The following SLC6A17 variants were observed in gnomAD, a reference collection of about 807,000 sequenced individuals.
The protein encoded by SLC6A17 is sodium-dependent neutral amino acid transporter SLC6A17.
A neutral mutation model predicts 64.5 loss-of-function variants in SLC6A17; 21 were observed. That is an observed-to-expected ratio of 0.33 (90% CI 0.23 to 0.47). The LOEUF (loss-of-function observed/expected upper bound fraction) is 0.47, where lower values mean the gene tolerates loss of function less well. SLC6A17 is among the 20% of genes least tolerant of loss of function. The pLI, the probability that SLC6A17 is intolerant of heterozygous loss-of-function variation, is 1.00. For missense variants in SLC6A17, 682 were observed against 963.2 expected, an observed-to-expected ratio of 0.71 and a Z score of 3.86; for synonymous variants, 372 against 399.5, an observed-to-expected ratio of 0.93 and a Z score of 0.82.
chr1:110,173,912 G>A lies in SLC6A17; in HGVS notation c.445-61G>A, dbSNP rs545554219. 3.3e-6 allele frequency: 5 copies of A among 1,528,922 alleles called. No homozygotes were observed. In the South Asian group the frequency reaches 6.7e-5, roughly 21 times the overall value. 94.7% of individuals were successfully genotyped at this position (1,528,922 alleles called of 1,614,324 possible). On this transcript the variant is annotated intron_variant, in intron 3 of 11. Coordinates refer to ENST00000331565, the MANE Select transcript of SLC6A17 (RefSeq NM_001010898.4). ...GCCGACGTGCTGGGCCTCGGGTGGA[G>A]CGTGGGGGCAGGGTGGAGTTGCCTG...
At chr1:110,191,479 C>G (rs1233215000) in intron 6 of SLC6A17, among the ~76,000 whole-genome samples, 1 of 151,958 alleles carries the variant, frequency 6.6e-6, no homozygotes, top group Non-Finnish European at 1.5e-5. Flanking sequence ...GTTTTTTTTC[C>G]TTTCATGAGG....
intron 1 of SLC6A17, among the ~76,000 whole-genome samples, chr1:110,152,634 G>A (rs1025337425): frequency 6.6e-6 from 1 of 152,116 alleles, no homozygotes; most frequent in African/African-American, 2.4e-5. Flanking sequence ...GTGAAGGGGA[G>A]GGTAAGGAAA....
rs1228496062 is a variant in SLC6A17 at position 110,198,700 on chromosome 1, A to T, written c.*256A>T. 6 of 500,270 alleles carry T rather than the reference A, an allele frequency of 1.2e-5. No homozygotes were observed. Among genetic ancestry groups the T allele is most frequent in the Non-Finnish European group, 2.0e-5 (6 of 294,990 alleles). The allele number at this position is 500,270 out of a possible 1,614,324, so 31.0% of individuals were successfully genotyped here. The stretch of plus-strand genomic sequence containing the variant: ...CCTCCAAGAGCCTCCGCCAAATTGT[A>T]GCCATGTAATTGGAACAACCCATAA... On this transcript the variant is annotated 3_prime_UTR_variant, in exon 12 of 12. Coordinates refer to ENST00000331565, the MANE Select transcript of SLC6A17 (RefSeq NM_001010898.4).
At chr1:110,176,399 A>G (rs1186677659) in intron 5 of SLC6A17, among the ~76,000 whole-genome samples, 1 of 152,092 alleles carries the variant, frequency 6.6e-6, no homozygotes, top group Non-Finnish European at 1.5e-5. Context: ...TCTGGAAGGG[A>G]GAAAACCAAC....
chr1:110,186,523 G>C (rs760205531), intron 6 of SLC6A17, among the ~76,000 whole-genome samples: 1 of 151,572 alleles, frequency 6.6e-6, no homozygotes, highest in Non-Finnish European at 1.5e-5. Flanking sequence ...GTTTTAGAAA[G>C]TAGAAGTTTG....
At chr1:110,184,236 A>G (rs970960907) in intron 6 of SLC6A17, among the ~76,000 whole-genome samples, 1 of 151,944 alleles carries the variant, frequency 6.6e-6, no homozygotes, top group South Asian at 2.1e-4. Context: ...TCAGCCTCCC[A>G]AGTAGCTGGG....
At chr1:110,157,135 G>A (rs963761603) in intron 1 of SLC6A17, among the ~76,000 whole-genome samples, 1 of 152,174 alleles carries the variant, frequency 6.6e-6, no homozygotes, top group African/African-American at 2.4e-5. Flanking sequence ...GAGACCTGGT[G>A]TGCCCTTCAG....
At chr1:110,195,202 T>G (rs1279304294) in intron 9 of SLC6A17, among the ~76,000 whole-genome samples, 5 of 152,220 alleles carry the variant, frequency 3.3e-5, no homozygotes, top group Non-Finnish European at 7.3e-5. Flanking sequence ...ATACCTCTCA[T>G]CTGCATCCCT....
At chr1:110,151,247 C>T (rs1232199494) in intron 1 of SLC6A17, among the ~76,000 whole-genome samples, 1 of 152,200 alleles carries the variant, frequency 6.6e-6, no homozygotes, top group African/African-American at 2.4e-5. Flanking sequence ...GGCCCATCCG[C>T]GGCTTGAAAC....
At chr1:110,180,466 C>T (rs564092024) in intron 6 of SLC6A17, among the ~76,000 whole-genome samples, 1 of 152,320 alleles carries the variant, frequency 6.6e-6, no homozygotes, top group Admixed American at 6.5e-5. Flanking sequence ...GAAGGAAGCT[C>T]TGGGGGGCTC....
At chr1:110,195,085 G>T (rs1656925515) in intron 9 of SLC6A17, 1 of 459,186 alleles carries the variant, frequency 2.2e-6, no homozygotes, top group African/African-American at 2.0e-5. Context: ...TCTTGGGCAG[G>T]GGCACTCACT....
intron 8 of SLC6A17, 86 bp from the exon 9 acceptor site, chr1:110,194,493 A>G: frequency 7.0e-7 from 1 of 1,433,856 alleles, no homozygotes; most frequent in South Asian, 1.3e-5. Flanking sequence ...TAGTTATTCC[A>G]AAAGTTTGAA....
intron 1 of SLC6A17, among the ~76,000 whole-genome samples, chr1:110,157,576 AAAAT>A (rs1341429470): frequency 2.0e-5 from 3 of 152,108 alleles, no homozygotes; most frequent in East Asian, 3.8e-4. Flanking sequence ...CCATCTCAAA[AAAAT>A]AAATAAATAA....
At chr1:110,169,967 C>T (rs866515915) in intron 2 of SLC6A17, among the ~76,000 whole-genome samples, 7 of 152,302 alleles carry the variant, frequency 4.6e-5, no homozygotes, top group African/African-American at 1.4e-4. Context: ...CAGGGCCTGG[C>T]GGCCTGCCTG....
At chr1:110,160,064 T>C (rs2101838815) in intron 1 of SLC6A17, among the ~76,000 whole-genome samples, 1 of 152,372 alleles carries the variant, frequency 6.6e-6, no homozygotes, top group Middle Eastern at 3.4e-3. Context: ...GTTCATTTGA[T>C]TTTTCAATAA....
intron 2 of SLC6A17, among the ~76,000 whole-genome samples, chr1:110,168,479 ATG>A (rs1187991696): frequency 6.6e-6 from 1 of 152,144 alleles, no homozygotes; most frequent in East Asian, 1.9e-4. Flanking sequence ...CCCCCATAGC[ATG>A]TTATATTAGC....
intron 6 of SLC6A17, among the ~76,000 whole-genome samples, chr1:110,185,189 C>T (rs537586637): frequency 3.3e-5 from 5 of 152,330 alleles, no homozygotes; most frequent in Admixed American, 1.3e-4. Context: ...TCTCAGTTTC[C>T]GCAATGGCAA....
rs980150079 is a variant in SLC6A17, at chr1:110,201,166, G to A, written c.*2722G>A. ...TCTTAAGATGGCGAGACCCCAAGAG[G>A]GATCTCATAGCACTGCTGCATTTGC... On this transcript the variant is annotated 3_prime_UTR_variant, in exon 12 of 12. Transcript: ENST00000331565. 1.3e-5 allele frequency: 2 copies of A among 152,156 alleles called. No individual in the cohort carries two copies. The highest frequency in any genetic ancestry group is 4.8e-5 in the African/African-American group (2 of 41,428). The allele number at this position is 152,156 out of a possible 1,614,324, so 9.4% of individuals were successfully genotyped here. A position where few individuals can be genotyped will look rare whatever the true frequency, so the allele number is the denominator to read the frequency against.
chr1:110,161,777 G>A (rs574831463), intron 1 of SLC6A17, among the ~76,000 whole-genome samples: 173 of 152,202 alleles, frequency 1.1e-3, no homozygotes, highest in African/African-American at 3.9e-3. Flanking sequence ...CCTCCTCCCC[G>A]GCTGCTGTGG....
Sources: allele counts gnomAD v4.1 joint callset (sites outside exome capture counted in the v4.1 genomes callset), GRCh38; gene constraint gnomAD v4.1.1; transcripts MANE v1.5; gene names NCBI Gene and HGNC (gene_info 2026-07-23, HGNC 2026-07-21).